PARVA: variants seen among roughly 807,000 people sequenced by gnomAD.
The protein encoded by PARVA is parvin alpha, also known as alpha-parvin.
Under a neutral mutation model 52.6 loss-of-function variants are expected in PARVA, and 25 were observed. That is an observed-to-expected ratio of 0.48 (90% CI 0.35 to 0.66). The LOEUF (loss-of-function observed/expected upper bound fraction) is 0.66, where lower values mean the gene tolerates loss of function less well. Among genes scored for constraint, PARVA ranks in the 30% least tolerant of loss-of-function variants. The pLI is 0.01. For missense variants in PARVA, 373 were observed against 450.9 expected (o/e 0.83, Z 1.56); for synonymous variants, 185 against 179.1 (o/e 1.03, Z -0.26).
chr11:12,423,667 ACTTTT>A (rs1290212744), intron 1 of PARVA, among the ~76,000 whole-genome samples: 27 of 152,232 alleles, frequency 1.8e-4, no homozygotes, highest in African/African-American at 6.5e-4. Context: ...GATATAATAT[ACTTTT>A]CTTCATATTG....
At chr11:12,425,082 C>T (rs144483520) in intron 1 of PARVA, among the ~76,000 whole-genome samples, 1 of 152,250 alleles carries the variant, frequency 6.6e-6, no homozygotes, top group Non-Finnish European at 1.5e-5. Context: ...AACATATAAT[C>T]TTGTCTGTAT....
At position 12,377,800 on chromosome 11, in the gene PARVA, CG is replaced by C; in HGVS notation, c.136+19del. Reference sequence around the variant, plus strand: ...CCAAGGAGGGTGAGTGCGGCCAGGCCGGCCGGGCGGGCGGTAGGAGCCGGGG... The same window carrying C: ...CCAAGGAGGGTGAGTGCGGCCAGGCCGCCGGGCGGGCGGTAGGAGCCGGGG... On this transcript the variant is annotated intron_variant, in intron 1 of 12. Coordinates refer to ENST00000334956, the MANE Select transcript of PARVA (RefSeq NM_018222.5). 3.4e-6 allele frequency: 5 copies of C among 1,474,878 alleles called. No individual in the cohort carries two copies. Among genetic ancestry groups the C allele is most frequent in the Non-Finnish European group, 3.6e-6 (4 of 1,113,514 alleles). The allele number at this position is 1,474,878 out of a possible 1,614,324, so 91.4% of individuals were successfully genotyped here.
chr11:12,477,349 C>CA (rs1941028846), intron 3 of PARVA: 1 of 154,972 alleles, frequency 6.5e-6, no homozygotes, highest in Non-Finnish European at 1.4e-5. Flanking sequence ...CCCGCCTCGA[C>CA]CTCCCAAAGT....
intron 1 of PARVA, among the ~76,000 whole-genome samples, chr11:12,444,684 T>G (rs1478762786): frequency 6.6e-6 from 1 of 152,178 alleles, no homozygotes; most frequent in Non-Finnish European, 1.5e-5. Context: ...CACCTCAGCC[T>G]CCCAACCAGT....
intron 10 of PARVA, among the ~76,000 whole-genome samples, chr11:12,516,708 A>G (rs933934443): frequency 1.3e-5 from 2 of 152,308 alleles, no homozygotes; most frequent in Admixed American, 6.5e-5. Flanking sequence ...GCAACATTTA[A>G]TATTTATTCA....
intron 1 of PARVA, among the ~76,000 whole-genome samples, chr11:12,424,324 C>G (rs1336449631): frequency 6.6e-6 from 1 of 151,692 alleles, no homozygotes; most frequent in Admixed American, 6.6e-5. Flanking sequence ...TTCCATCTTT[C>G]CTGTATTTAT....
intron 12 of PARVA, among the ~76,000 whole-genome samples, chr11:12,524,027 G>A (rs545697600): frequency 1.8e-4 from 27 of 152,322 alleles, no homozygotes; most frequent in African/African-American, 6.3e-4. Flanking sequence ...CAGTGTCTCT[G>A]ACTGCTGTCT....
chr11:12,450,429 A>C (rs1292179486), intron 1 of PARVA, among the ~76,000 whole-genome samples: 1 of 152,206 alleles, frequency 6.6e-6, no homozygotes, highest in African/African-American at 2.4e-5. Flanking sequence ...ATCTTGTGTT[A>C]ACCCCACTAT....
At chr11:12,468,890 C>A (rs1388604065) in intron 1 of PARVA, among the ~76,000 whole-genome samples, 1 of 152,196 alleles carries the variant, frequency 6.6e-6, no homozygotes, top group African/African-American at 2.4e-5. Flanking sequence ...ATTCCAGAAG[C>A]TTCTAGAAAT....
chr11:12,445,439 C>T (rs1240999853), intron 1 of PARVA, among the ~76,000 whole-genome samples: 5 of 152,190 alleles, frequency 3.3e-5, no homozygotes, highest in Admixed American at 2.6e-4. Context: ...TCTCTCCCCT[C>T]TCTCCCAGAT....
In PARVA at chr11:12,513,574, C is replaced by T. The variant is rs557664421; in HGVS notation, c.798+214C>T. The T allele has an allele frequency of 1.0e-5, 7 of 688,072 alleles. No individual in the cohort carries two copies. In the Admixed American group the frequency reaches 1.2e-4, roughly 12 times the overall value. The allele number at this position is 688,072 out of a possible 1,614,324, so 42.6% of individuals were successfully genotyped here. Reference sequence around the variant, plus strand: ...TTTCCCCTCCATCAGCATGAACAGCCTGTCTTCCCACCCAGGCTAACCCCA... The same window carrying T: ...TTTCCCCTCCATCAGCATGAACAGCTTGTCTTCCCACCCAGGCTAACCCCA... On this transcript the variant is annotated intron_variant, in intron 9 of 12. Coordinates refer to ENST00000334956, the MANE Select transcript of PARVA (RefSeq NM_018222.5).
rs75892772 is a variant in PARVA at position 12,397,733 on chromosome 11, T to C, written c.136+19950T>C. On this transcript the variant is annotated intron_variant, in intron 1 of 12. Transcript: ENST00000334956. Reference sequence around the variant, plus strand: ...CTTCAGCATGTTGGTTCAGACAGGATGTTTTGGATCTCAAGGCGAAATCCT... The same window carrying C: ...CTTCAGCATGTTGGTTCAGACAGGACGTTTTGGATCTCAAGGCGAAATCCT... Among the ~76,000 whole-genome samples the C allele has an allele frequency of 4.6e-5, 7 of 152,262 alleles. No individual in the cohort carries two copies. In the East Asian group the frequency reaches 1.2e-3, roughly 25 times the overall value.
chr11:12,445,466 C>T (rs1378731880), intron 1 of PARVA, among the ~76,000 whole-genome samples: 1 of 152,082 alleles, frequency 6.6e-6, no homozygotes, highest in African/African-American at 2.4e-5. Context: ...GGGTACTTCC[C>T]ATTGATCTAA....
At chr11:12,379,290 A>G (rs575123652) in intron 1 of PARVA, among the ~76,000 whole-genome samples, 1 of 152,110 alleles carries the variant, frequency 6.6e-6, no homozygotes, top group Non-Finnish European at 1.5e-5. Flanking sequence ...GAATGCCTTA[A>G]CCTTCTGGGA....
chr11:12,509,418 C>G (rs80304417), intron 7 of PARVA, among the ~76,000 whole-genome samples: 4,036 of 152,208 alleles, frequency 0.027, 173 homozygotes, highest in African/African-American at 0.092. Flanking sequence ...TTGCCCCACC[C>G]AGAGAGGTAG....
intron 6 of PARVA, among the ~76,000 whole-genome samples, chr11:12,504,890 C>A (rs1193337040): frequency 6.6e-6 from 1 of 151,926 alleles, no homozygotes; most frequent in East Asian, 1.9e-4. Context: ...AGAACGATAT[C>A]TGTGCATATA....
At chr11:12,402,153 G>A (rs1048509093) in intron 1 of PARVA, among the ~76,000 whole-genome samples, 1 of 152,158 alleles carries the variant, frequency 6.6e-6, no homozygotes, top group Admixed American at 6.5e-5. Context: ...CAATGAGGGC[G>A]AAGTGCCCCA....
chr11:12,386,413 C>G (rs1464925508), intron 1 of PARVA, among the ~76,000 whole-genome samples: 1 of 152,154 alleles, frequency 6.6e-6, no homozygotes, highest in African/African-American at 2.4e-5. Flanking sequence ...TTCATAAAGA[C>G]CCAACTCAGA....
chr11:12,482,036 G>GTGCATGCTACTTGCGAGGCTA (rs1399717926), intron 4 of PARVA, among the ~76,000 whole-genome samples: 1 of 151,566 alleles, frequency 6.6e-6, no homozygotes, highest in Non-Finnish European at 1.5e-5. Context: ...GGGCATGGTG[G>GTGCATGCTACTTGCGAGGCTA]TGCATGCTAC....
Sources: gnomAD v4.1 joint callset for allele counts (sites outside exome capture counted in the v4.1 genomes callset) on GRCh38, gnomAD v4.1.1 for gene constraint, MANE v1.5 for transcripts, NCBI Gene and HGNC (gene_info 2026-07-23, HGNC 2026-07-21) for gene names.